Variants in WWTR1 observed in about 807,000 individuals in gnomAD.
WWTR1 encodes the protein WW domain containing transcription regulator 1.
In WWTR1, 13 loss-of-function variants were observed where a neutral mutation model predicts 40.1. The observed-to-expected ratio is 0.32, with a 90% confidence interval of 0.21 to 0.52. WWTR1 has a LOEUF of 0.52. Among genes scored for constraint, WWTR1 ranks in the 20% least tolerant of loss-of-function variants. WWTR1 has a pLI of 0.97. For missense variants in WWTR1, 436 were observed against 523.1 expected (o/e 0.83, Z 1.63); for synonymous variants, 230 against 210.1 (o/e 1.09, Z -0.82).
intron 4 of WWTR1, among the ~76,000 whole-genome samples, chr3:149,530,175 G>A (rs1189669807): frequency 2.0e-5 from 3 of 151,946 alleles, no homozygotes; most frequent in Non-Finnish European, 2.9e-5. Flanking sequence ...GTGAAACCCT[G>A]TCTCTACTAA....
chr3:149,692,891 TC>T (rs1445340669), intron 1 of WWTR1, among the ~76,000 whole-genome samples: 3 of 152,082 alleles, frequency 2.0e-5, no homozygotes, highest in Non-Finnish European at 4.4e-5. Flanking sequence ...CACCTAGTCC[TC>T]CCAAAGTGCT....
chr3:149,698,291 T>C lies in WWTR1; in HGVS notation c.-108+4833A>G, dbSNP rs536691005. ...TACTGTTCTCGTGATAGTGAGTGAG[T>C]TCTCACGAGATCTGATAGTTTTCTA... On this transcript the variant is annotated intron_variant, in intron 1 of 7. Coordinates refer to the WWTR1 transcript ENST00000465804. Among the ~76,000 whole-genome samples the C allele has an allele frequency of 4.5e-4, 68 of 152,188 alleles. 1 individual carries two copies. Among genetic ancestry groups the C allele is most frequent in the South Asian group, 2.9e-3 (14 of 4,820 alleles).
At chr3:149,655,300 C>T (rs1481012821) in intron 2 of WWTR1, among the ~76,000 whole-genome samples, 2 of 151,756 alleles carry the variant, frequency 1.3e-5, no homozygotes, top group Admixed American at 1.3e-4. Context: ...CAAAAATTAG[C>T]CAGGCGTGGT....
intron 2 of WWTR1, among the ~76,000 whole-genome samples, chr3:149,617,468 T>G (rs1740035991): frequency 6.6e-6 from 1 of 152,204 alleles, no homozygotes; most frequent in Non-Finnish European, 1.5e-5. Context: ...TATTTCTAAC[T>G]GGCCTCATTC....
chr3:149,704,868 CAACA>C (rs1190426400), upstream of WWTR1, among the ~76,000 whole-genome samples: 31 of 147,448 alleles, frequency 2.1e-4, no homozygotes, highest in Non-Finnish European at 3.0e-5. Flanking sequence ...AAAACAACAA[CAACA>C]AACAACGAAA....
chr3:149,567,377 C>G (rs1241065323), intron 3 of WWTR1, among the ~76,000 whole-genome samples: 3 of 152,180 alleles, frequency 2.0e-5, no homozygotes, highest in Non-Finnish European at 4.4e-5. Context: ...TGTGACTGCT[C>G]TTCACAAACT....
intron 2 of WWTR1, among the ~76,000 whole-genome samples, chr3:149,642,424 C>T (rs1307391731): frequency 6.6e-6 from 1 of 150,950 alleles, no homozygotes; most frequent in African/African-American, 2.4e-5. Context: ...GTCACACACA[C>T]ACACACACAC....
intron 2 of WWTR1, among the ~76,000 whole-genome samples, chr3:149,669,017 G>A (rs13080449): frequency 0.2 from 30,193 of 152,110 alleles, 3,256 homozygotes; most frequent in Admixed American, 0.3. Flanking sequence ...AGCCATTGGC[G>A]TGGGAGAGAC....
rs868629796 is a variant in WWTR1, at chr3:149,674,054, T to C, written c.-107-4163A>G. 1.2e-3 allele frequency among the ~76,000 whole-genome samples: 36 copies of C among 29,704 alleles called. No individual in the cohort carries two copies. The Admixed American group carries it at 0.014, about 11-fold the overall frequency. 19.5% of individuals were successfully genotyped at this position (29,704 alleles called of 152,430 possible). The stretch of plus-strand genomic sequence containing the variant: ...AGGCAACATAGTAAGACCTCGTCTC[T>C]ACAAAAAAAAAAAAATTAGCTGGGC... On this transcript the variant is annotated intron_variant, in intron 1 of 7. Transcript: ENST00000465804.
chr3:149,677,060 G>A (rs1714287462), intron 1 of WWTR1, among the ~76,000 whole-genome samples: 1 of 151,864 alleles, frequency 6.6e-6, no homozygotes, highest in Non-Finnish European at 1.5e-5. Context: ...GGCATTACAG[G>A]CATGCGCCAC....
At chr3:149,667,392 C>CA (rs369440011) in intron 2 of WWTR1, among the ~76,000 whole-genome samples, 94 of 151,838 alleles carry the variant, frequency 6.2e-4, no homozygotes, top group African/African-American at 2.2e-3. Context: ...CTAAAAAATA[C>CA]AAAAAATTAG....
At chr3:149,691,223 C>T (rs113701744) in intron 1 of WWTR1, among the ~76,000 whole-genome samples, 6,618 of 151,582 alleles carry the variant, frequency 0.044, 267 homozygotes, top group African/African-American at 0.11. Flanking sequence ...AGAGGAAAAA[C>T]TTCAAATAAA....
intron 4 of WWTR1, among the ~76,000 whole-genome samples, chr3:149,529,870 G>A (rs1735485392): frequency 6.6e-6 from 1 of 152,062 alleles, no homozygotes; most frequent in African/African-American, 2.4e-5. Context: ...AACCATAAAT[G>A]CAAGAATCTT....
chr3:149,599,452 G>A (rs900533052), intron 2 of WWTR1, among the ~76,000 whole-genome samples: 7 of 152,374 alleles, frequency 4.6e-5, no homozygotes, highest in South Asian at 2.1e-4. Flanking sequence ...ATCAAAAACA[G>A]ATGAAAAGCA....
At chr3:149,616,332 A>G (rs1281896335) in intron 2 of WWTR1, among the ~76,000 whole-genome samples, 1 of 152,154 alleles carries the variant, frequency 6.6e-6, no homozygotes, top group African/African-American at 2.4e-5. Context: ...TTAAAAATTC[A>G]GTTCAGGGAA....
chr3:149,711,645 C>T (rs1023054684), intron 5 of WWTR1, among the ~76,000 whole-genome samples: 1 of 152,198 alleles, frequency 6.6e-6, no homozygotes, highest in African/African-American at 2.4e-5. Context: ...TCACCAAAGG[C>T]CAACTTTAAT....
chr3:149,572,057 C>A lies in WWTR1; in HGVS notation c.568+807G>T, dbSNP rs766506379. Among the ~76,000 whole-genome samples, 35 of 151,978 alleles carry A rather than the reference C, an allele frequency of 2.3e-4. 1 individual carries two copies. The highest frequency in any genetic ancestry group is 4.0e-4 in the Non-Finnish European group (27 of 67,992). On this transcript the variant is annotated intron_variant, in intron 3 of 6. Transcript: ENST00000360632. ...GAAGTAAAAAGTGAGCCATATTATC[C>A]CACGGCAGGTATGGGGAGAAGCCAC...
chr3:149,603,472 T>A (rs1414614553), intron 2 of WWTR1, among the ~76,000 whole-genome samples: 1 of 152,198 alleles, frequency 6.6e-6, no homozygotes, highest in African/African-American at 2.4e-5. Flanking sequence ...CACTGCTTTA[T>A]GATTTCTTTA....
intron 2 of WWTR1, among the ~76,000 whole-genome samples, chr3:149,645,730 A>C (rs1712479674): frequency 6.6e-6 from 1 of 152,214 alleles, no homozygotes; most frequent in Non-Finnish European, 1.5e-5. Flanking sequence ...AGTGCTTTGC[A>C]AGTGCAAACT....
Sources: gnomAD v4.1 joint callset for allele counts (sites outside exome capture counted in the v4.1 genomes callset) on GRCh38, gnomAD v4.1.1 for gene constraint, MANE v1.5 for transcripts, NCBI Gene and HGNC (gene_info 2026-07-23, HGNC 2026-07-21) for gene names.